MBNL3: variants seen among roughly 807,000 people sequenced by gnomAD.
MBNL3 encodes muscleblind like splicing regulator 3, also known as muscleblind-like protein 3.
Under a neutral mutation model 24.5 loss-of-function variants are expected in MBNL3, and 6 were observed. The observed-to-expected ratio is 0.25, with a 90% CI of 0.13 to 0.48. MBNL3 has a LOEUF of 0.48. Among genes scored for constraint, MBNL3 ranks in the 20% least tolerant of loss-of-function variants. MBNL3 has a pLI of 0.99. For synonymous variants in MBNL3, 100 were observed against 101.7 expected, an observed-to-expected ratio of 0.98 and a Z score of 0.10; for missense variants, 230 against 293.5, an observed-to-expected ratio of 0.78 and a Z score of 1.58.
At chrX:132,465,874 A>C (rs1445674247) in intron 1 of MBNL3, among the ~76,000 whole-genome samples, 1 of 111,619 alleles carries the variant, frequency 9.0e-6, no homozygotes, top group Non-Finnish European at 1.9e-5. Context: ...AACAAACTCT[A>C]TGAGTTTGGA....
intron 2 of MBNL3, among the ~76,000 whole-genome samples, chrX:132,419,926 C>A (rs892340033): frequency 8.9e-5 from 10 of 111,900 alleles, no homozygotes; most frequent in Non-Finnish European, 1.7e-4. Flanking sequence ...TTAGGTTTCT[C>A]CCCAGCTTTT....
chrX:132,414,071 A>C (rs1243527333), intron 2 of MBNL3, among the ~76,000 whole-genome samples: 1 of 112,282 alleles, frequency 8.9e-6, no homozygotes, highest in Admixed American at 9.4e-5. Context: ...CACAGCATGC[A>C]GATGAATAGC....
At chrX:132,394,498 G>A (rs746685877) in intron 3 of MBNL3, among the ~76,000 whole-genome samples, 9 of 111,740 alleles carry the variant, frequency 8.1e-5, no homozygotes, top group Non-Finnish European at 1.7e-4. Flanking sequence ...TTGACTTTTC[G>A]TTGTCTCTGA....
rs929279669 is a variant in MBNL3, at chrX:132,413,514, T to A, written c.178-7122A>T. Reference sequence around the variant, plus strand: ...ATTCTTAGAAGCCCTCTCCATGGAATCAGCCCAGGCTCTCCCAGGCCTTCA... The same window carrying A: ...ATTCTTAGAAGCCCTCTCCATGGAAACAGCCCAGGCTCTCCCAGGCCTTCA... On this transcript the variant is annotated intron_variant, in intron 2 of 8. Transcript: ENST00000370853. 2.6e-6 allele frequency: 3 copies of A among 1,164,093 alleles called. No individual in the cohort carries two copies. The African/African-American group carries it at 5.4e-5, about 21-fold the overall frequency.
intron 1 of MBNL3, among the ~76,000 whole-genome samples, chrX:132,451,068 A>T (rs1486881479): frequency 8.9e-6 from 1 of 111,734 alleles, no homozygotes; most frequent in African/African-American, 3.3e-5. Flanking sequence ...CACCCACCAG[A>T]TGCCAGCCAG....
intron 1 of MBNL3, among the ~76,000 whole-genome samples, chrX:132,473,308 T>C (rs191153711): frequency 8.9e-6 from 1 of 111,738 alleles, no homozygotes; most frequent in African/African-American, 3.3e-5. Context: ...AAATCTATTT[T>C]CCCCAGTATA....
intron 1 of MBNL3, among the ~76,000 whole-genome samples, chrX:132,457,384 T>C (rs1438768223): frequency 1.8e-5 from 2 of 110,830 alleles, no homozygotes; most frequent in Non-Finnish European, 3.8e-5. Flanking sequence ...TATCTATAGA[T>C]TAAGAATCAT....
intron 2 of MBNL3, among the ~76,000 whole-genome samples, chrX:132,418,462 C>G (rs916489698): frequency 1.8e-5 from 2 of 111,716 alleles, no homozygotes; most frequent in African/African-American, 6.5e-5. Context: ...GGATTTGAAC[C>G]TACGTGCTCT....
chrX:132,427,598 C>A (rs764263061), intron 2 of MBNL3, among the ~76,000 whole-genome samples: 1 of 111,453 alleles, frequency 9.0e-6, no homozygotes, highest in Admixed American at 9.5e-5. Flanking sequence ...GATATTAAGA[C>A]AATGTGACAA....
At chrX:132,478,194 T>C (rs1475221466) in intron 1 of MBNL3, among the ~76,000 whole-genome samples, 1 of 95,999 alleles carries the variant, frequency 1.0e-5, no homozygotes, top group Non-Finnish European at 2.2e-5. Context: ...TTAGTTGTCA[T>C]TTTGTTGTTG....
At position 132,472,723 on chromosome X, in the gene MBNL3, C is replaced by T. The variant is rs1157586198; in HGVS notation, c.-704+16128G>A. Among the ~76,000 whole-genome samples, 4 of 111,976 alleles carry T rather than the reference C, an allele frequency of 3.6e-5. No individual in the cohort carries two copies. The East Asian group carries it at 1.1e-3, about 31-fold the overall frequency. On this transcript the variant is annotated intron_variant, in intron 1 of 8. Transcript: ENST00000370853. ...GCAGTAAAGACTTTTGGGGAAAATA[C>T]ATCTTTTCTATAGGTTTCCCATTTT...
chrX:132,439,762 A>G lies in MBNL3; in HGVS notation c.-151T>C. ...TTTGTTAACACTTAGGTTTTCATTA[A>G]AGTCAAATCTGGTCTAGTCAAACAA... On this transcript the variant is annotated 5_prime_UTR_variant, in exon 2 of 9. Transcript: ENST00000370853. 10 of 855,766 alleles carry G rather than the reference A, an allele frequency of 1.2e-5. No homozygotes were observed. The South Asian group carries it at 5.5e-4, about 47-fold the overall frequency. The allele number at this position is 855,766 out of a possible 1,213,427, so 70.5% of individuals were successfully genotyped here. A position where few individuals can be genotyped will look rare whatever the true frequency, so the allele number is the denominator to read the frequency against.
chrX:132,396,936 TCATA>T (rs1939765191), intron 3 of MBNL3, among the ~76,000 whole-genome samples: 1 of 78,137 alleles, frequency 1.3e-5, no homozygotes, highest in Admixed American at 1.9e-4. Context: ...ATATATACAT[TCATA>T]TATATATTCA....
rs1043303139 is a variant in MBNL3 at position 132,374,677 on chromosome X, C to T, written c.*4989G>A. ...GCAAAAAAGGTGTGTCTCACACATCCGCACCCTAACTGAGACAGTCAATTA... is the reference window on the plus strand; with the variant it reads ...GCAAAAAAGGTGTGTCTCACACATCTGCACCCTAACTGAGACAGTCAATTA... On this transcript the variant is annotated 3_prime_UTR_variant, in exon 9 of 9. Transcript: ENST00000370853. The T allele has an allele frequency of 2.9e-4, 32 of 111,744 alleles. No homozygotes were observed. Among genetic ancestry groups the T allele is most frequent in the African/African-American group, 9.4e-4 (29 of 30,801 alleles). The allele number at this position is 111,744 out of a possible 1,213,427, so 9.2% of individuals were successfully genotyped here.
intron 2 of MBNL3, among the ~76,000 whole-genome samples, chrX:132,437,553 G>T (rs777956849): frequency 5.4e-5 from 6 of 111,888 alleles, no homozygotes; most frequent in African/African-American, 1.9e-4. Flanking sequence ...TGTTACAGAT[G>T]AAGTTACTCA....
chrX:132,417,022 T>C (rs910306796), intron 2 of MBNL3, among the ~76,000 whole-genome samples: 3 of 112,042 alleles, frequency 2.7e-5, no homozygotes, highest in Admixed American at 9.4e-5. Context: ...TAACTTTCAT[T>C]TTGGGATGAA....
intron 2 of MBNL3, among the ~76,000 whole-genome samples, chrX:132,407,637 A>T (rs1359480769): frequency 8.9e-6 from 1 of 112,034 alleles, no homozygotes; most frequent in Non-Finnish European, 1.9e-5. Flanking sequence ...AACATATATA[A>T]TGAGTGTAAG....
intron 1 of MBNL3, among the ~76,000 whole-genome samples, chrX:132,471,841 T>G (rs1211237444): frequency 1.8e-5 from 2 of 112,966 alleles, no homozygotes; most frequent in African/African-American, 6.4e-5. Flanking sequence ...GATGCCCTGT[T>G]ACAAAGTCAT....
At chrX:132,474,377 A>C (rs1207862617) in intron 1 of MBNL3, among the ~76,000 whole-genome samples, 2 of 111,954 alleles carry the variant, frequency 1.8e-5, no homozygotes, top group Admixed American at 1.9e-4. Flanking sequence ...CTATTTCAGT[A>C]GCACTGTCTT....
Sources: gnomAD v4.1 joint callset for allele counts (sites outside exome capture counted in the v4.1 genomes callset) on GRCh38, gnomAD v4.1.1 for gene constraint, MANE v1.5 for transcripts, NCBI Gene and HGNC (gene_info 2026-07-23, HGNC 2026-07-21) for gene names.